Variants in RAPGEF6 observed in about 807,000 individuals in gnomAD.
RAPGEF6 encodes PDZ domain containing guanine nucleotide exchange factor (GEF) 2.
A neutral mutation model predicts 171.4 loss-of-function variants in RAPGEF6; 56 were observed. The ratio of observed to expected loss-of-function variants is 0.33; its 90% CI spans 0.26 to 0.41. The LOEUF (loss-of-function observed/expected upper bound fraction) is 0.41, where lower values mean the gene tolerates loss of function less well. Among genes scored for constraint, RAPGEF6 ranks in the 10% least tolerant of loss-of-function variants. The probability of loss-of-function intolerance (pLI) is 1.00; values close to 1 mark genes in which losing one functional copy is unlikely to be tolerated. For missense variants in RAPGEF6, 1,674 were observed against 1,921.4 expected (o/e 0.87, Z 2.41); for synonymous variants, 692 against 650.1 (o/e 1.06, Z -0.98).
chr5:131,449,477 C>T (rs141401788), intron 21 of RAPGEF6, among the ~76,000 whole-genome samples: 50 of 152,190 alleles, frequency 3.3e-4, no homozygotes, highest in African/African-American at 1.1e-3. Flanking sequence ...AAAATGCAAC[C>T]TTCACAAACA....
chr5:131,528,106 TTA>T (rs1225578853), intron 6 of RAPGEF6, among the ~76,000 whole-genome samples: 1 of 116,064 alleles, frequency 8.6e-6, no homozygotes, highest in South Asian at 2.2e-4. Flanking sequence ...AATTTATATA[TTA>T]TATATCATAT....
At chr5:131,599,629 C>A (rs1202257878) in intron 3 of RAPGEF6, among the ~76,000 whole-genome samples, 1 of 152,138 alleles carries the variant, frequency 6.6e-6, no homozygotes, top group Non-Finnish European at 1.5e-5. Context: ...CATAGGGATA[C>A]CTAATGAATC....
intron 6 of RAPGEF6, among the ~76,000 whole-genome samples, chr5:131,522,838 T>C (rs1758591186): frequency 6.6e-6 from 1 of 152,206 alleles, no homozygotes; most frequent in East Asian, 1.9e-4. Flanking sequence ...ACTGGGACCC[T>C]GGAGAGTAAA....
intron 1 of RAPGEF6, among the ~76,000 whole-genome samples, chr5:131,616,136 G>A (rs906342997): frequency 9.2e-5 from 14 of 152,120 alleles, no homozygotes; most frequent in Admixed American, 7.2e-4. Context: ...AGGAAGTGGT[G>A]ATGACTTGGT....
chr5:131,426,397 G>C lies in RAPGEF6; in HGVS notation c.*869C>G, dbSNP rs1751393683. Reference sequence around the variant, plus strand: ...CTCTAGAACCCAGTCTCTATTTGTTGGATCTATACTTTCAGTTACAATTCG... The same window carrying C: ...CTCTAGAACCCAGTCTCTATTTGTTCGATCTATACTTTCAGTTACAATTCG... On this transcript the variant is annotated 3_prime_UTR_variant, in exon 28 of 28. Transcript: ENST00000509018. The C allele has an allele frequency of 6.6e-6, 1 of 152,242 alleles. No individual in the cohort carries two copies. The highest frequency in any genetic ancestry group is 6.6e-5 in the Admixed American group (1 of 15,264). 9.4% of individuals were successfully genotyped at this position (152,242 alleles called of 1,614,324 possible). A position where few individuals can be genotyped will look rare whatever the true frequency, so the allele number is the denominator to read the frequency against.
chr5:131,578,678 A>ACC (rs1232188309), intron 4 of RAPGEF6, among the ~76,000 whole-genome samples: 2 of 152,190 alleles, frequency 1.3e-5, no homozygotes, highest in Non-Finnish European at 2.9e-5. Context: ...GCAAACTTCC[A>ACC]CCGTCCAAAT....
intron 1 of RAPGEF6, among the ~76,000 whole-genome samples, chr5:131,622,462 C>A (rs1765648094): frequency 6.6e-6 from 1 of 152,182 alleles, no homozygotes; most frequent in African/African-American, 2.4e-5. Context: ...TAAGGTCTGG[C>A]TGTAAATAAA....
At chr5:131,563,725 G>A (rs1017775025) in intron 4 of RAPGEF6, among the ~76,000 whole-genome samples, 1 of 152,076 alleles carries the variant, frequency 6.6e-6, no homozygotes, top group Non-Finnish European at 1.5e-5. Flanking sequence ...TGCTGGTCTT[G>A]AACTCCTGGG....
chr5:131,483,646 C>A (rs1755655618), intron 15 of RAPGEF6, among the ~76,000 whole-genome samples: 1 of 152,122 alleles, frequency 6.6e-6, no homozygotes. Flanking sequence ...TATGCGTTCA[C>A]AAACACACGA....
chr5:131,497,574 T>A lies in RAPGEF6; in HGVS notation c.1419+869A>T, dbSNP rs566025943. Among the ~76,000 whole-genome samples, 38 of 152,358 alleles carry A rather than the reference T, an allele frequency of 2.5e-4. 1 individual carries two copies. Among genetic ancestry groups the A allele is most frequent in the Middle Eastern group, 6.8e-3 (2 of 294 alleles). On this transcript the variant is annotated intron_variant, in intron 12 of 27. Coordinates refer to ENST00000509018, the MANE Select transcript of RAPGEF6 (RefSeq NM_016340.6). ...CCATTTTCATTCTTTTGCATATGGA[T>A]AATTATCACTAAATCATATTCTTGT...
intron 15 of RAPGEF6, among the ~76,000 whole-genome samples, chr5:131,482,484 G>T (rs552630041): frequency 6.6e-5 from 10 of 152,118 alleles, no homozygotes; most frequent in African/African-American, 2.4e-4. Flanking sequence ...TTCTATTTTT[G>T]TAGAGATGTG....
intron 3 of RAPGEF6, among the ~76,000 whole-genome samples, chr5:131,601,346 T>C (rs1310326100): frequency 4.0e-5 from 6 of 149,020 alleles, no homozygotes; most frequent in South Asian, 2.1e-4. Flanking sequence ...GGTCACACCA[T>C]TGCACTCCAG....
chr5:131,442,330 A>G lies in RAPGEF6; in HGVS notation c.3610+19T>C. 1.9e-6 allele frequency: 3 copies of G among 1,585,284 alleles called. No homozygotes were observed. The highest frequency in any genetic ancestry group is 2.6e-6 in the Non-Finnish European group (3 of 1,164,146). On this transcript the variant is annotated intron_variant, in intron 23 of 27. Coordinates refer to ENST00000509018, the MANE Select transcript of RAPGEF6 (RefSeq NM_016340.6). ...GAAATTTCAGGTAAACGGATGTAAT[A>G]TTAATGGTGAATACTCACTCAGTGC...
intron 4 of RAPGEF6, among the ~76,000 whole-genome samples, chr5:131,568,186 T>G (rs1187317896): frequency 6.6e-6 from 1 of 152,238 alleles, no homozygotes; most frequent in East Asian, 1.9e-4. Context: ...TACTAACTTG[T>G]CTGGATTATG....
chr5:131,492,812 T>A, intron 13 of RAPGEF6, 27 bp from the exon 14 acceptor site: 2 of 1,572,526 alleles, frequency 1.3e-6, no homozygotes, highest in Non-Finnish European at 1.8e-6. Flanking sequence ...GATAAATGTA[T>A]ATAAATGTAT....
chr5:131,541,273 A>C (rs1760123121), intron 6 of RAPGEF6, among the ~76,000 whole-genome samples: 1 of 152,212 alleles, frequency 6.6e-6, no homozygotes, highest in African/African-American at 2.4e-5. Context: ...TGACTTTGTC[A>C]GAAGAGCATG....
chr5:131,504,447 G>C (rs1374408369), intron 11 of RAPGEF6, among the ~76,000 whole-genome samples, 179 bp downstream of exon 11: 1 of 150,954 alleles, frequency 6.6e-6, no homozygotes, highest in African/African-American at 2.4e-5. Context: ...GGGCAACAGA[G>C]TGAGACTCCA....
At chr5:131,453,278 C>CT in intron 20 of RAPGEF6, 101 bp from the exon 21 acceptor site, 5 of 1,450,648 alleles carry the variant, frequency 3.4e-6, no homozygotes, top group Non-Finnish European at 3.6e-6. Context: ...GAAGGACCTT[C>CT]TTTATCACAG....
intron 9 of RAPGEF6, among the ~76,000 whole-genome samples, 172 bp from the exon 10 acceptor site, chr5:131,505,694 A>G (rs1485479316): frequency 6.6e-6 from 1 of 152,226 alleles, no homozygotes; most frequent in Non-Finnish European, 1.5e-5. Context: ...GCAAACTACT[A>G]AAGTTTATTT....
Sources: gnomAD v4.1 joint callset for allele counts (sites outside exome capture counted in the v4.1 genomes callset) on GRCh38, gnomAD v4.1.1 for gene constraint, MANE v1.5 for transcripts, NCBI Gene and HGNC (gene_info 2026-07-23, HGNC 2026-07-21) for gene names.